DOK6: variants seen among roughly 807,000 people sequenced by gnomAD.
DOK6 encodes docking protein 6.
DOK6 carries 22 observed loss-of-function variants against 44.0 expected under a neutral mutation model. The ratio of observed to expected loss-of-function variants is 0.50; its 90% CI spans 0.36 to 0.71. DOK6 has a LOEUF of 0.71. Ranked by LOEUF, DOK6 falls within the 30% of genes least tolerant of loss-of-function variation. The pLI, the probability that DOK6 is intolerant of heterozygous loss-of-function variation, is 0.00. For synonymous variants in DOK6, 166 were observed against 145.5 expected (o/e 1.14, Z -1.01); for missense variants, 340 against 416.4 (o/e 0.82, Z 1.60).
intron 2 of DOK6, among the ~76,000 whole-genome samples, chr18:69,595,865 A>G (rs774003388): frequency 2.8e-4 from 42 of 152,138 alleles, no homozygotes; most frequent in Non-Finnish European, 5.4e-4. Context: ...TATACTATTC[A>G]TTCTGTTTCT....
At chr18:69,727,840 T>G (rs527329105) in intron 5 of DOK6, among the ~76,000 whole-genome samples, 48 of 152,232 alleles carry the variant, frequency 3.2e-4, no homozygotes, top group Non-Finnish European at 5.9e-4. Context: ...TAATTATAGC[T>G]TGCCATTTCA....
chr18:69,804,417 CAG>C (rs1206679973), intron 7 of DOK6, among the ~76,000 whole-genome samples: 1 of 152,064 alleles, frequency 6.6e-6, no homozygotes, highest in Non-Finnish European at 1.5e-5. Context: ...TATGTGATGA[CAG>C]AGTTTTCATA....
intron 7 of DOK6, among the ~76,000 whole-genome samples, chr18:69,769,830 C>A (rs928233960): frequency 6.6e-6 from 1 of 152,226 alleles, no homozygotes; most frequent in Non-Finnish European, 1.5e-5. Flanking sequence ...CCAGAGATCT[C>A]ACCCCAGTTC....
intron 2 of DOK6, among the ~76,000 whole-genome samples, chr18:69,584,031 C>T (rs1390017323): frequency 6.7e-6 from 1 of 149,144 alleles, no homozygotes; most frequent in South Asian, 2.1e-4. Flanking sequence ...TGGCGTGAAC[C>T]CGGGAGGCGG....
chr18:69,584,920 C>G (rs945823483), intron 2 of DOK6, among the ~76,000 whole-genome samples: 1 of 151,866 alleles, frequency 6.6e-6, no homozygotes, highest in South Asian at 2.1e-4. Context: ...CAGTTTTCCC[C>G]TTTTCATCCT....
intron 2 of DOK6, among the ~76,000 whole-genome samples, chr18:69,588,295 A>G (rs1983550550): frequency 1.3e-5 from 2 of 152,214 alleles, no homozygotes; most frequent in Non-Finnish European, 2.9e-5. Flanking sequence ...ACATTATTAC[A>G]TATTATAGCA....
At chr18:69,664,341 A>G (rs996844316) in intron 3 of DOK6, among the ~76,000 whole-genome samples, 3 of 152,256 alleles carry the variant, frequency 2.0e-5, no homozygotes, top group African/African-American at 7.2e-5. Flanking sequence ...CTCATTTGAT[A>G]CTGGCTTTTA....
chr18:69,632,532 G>A (rs1286540908), intron 3 of DOK6, among the ~76,000 whole-genome samples: 2 of 151,902 alleles, frequency 1.3e-5, no homozygotes, highest in African/African-American at 4.8e-5. Context: ...AAGGAACCTG[G>A]GTCCACCTCC....
At chr18:69,701,545 A>G (rs985708203) in intron 5 of DOK6, among the ~76,000 whole-genome samples, 3 of 152,208 alleles carry the variant, frequency 2.0e-5, no homozygotes, top group African/African-American at 7.2e-5. Flanking sequence ...TAAATATTGT[A>G]AGCAAAAATC....
chr18:69,616,874 C>T (rs1432751961), intron 3 of DOK6, among the ~76,000 whole-genome samples: 1 of 152,108 alleles, frequency 6.6e-6, no homozygotes, highest in African/African-American at 2.4e-5. Context: ...TATTTTTATG[C>T]ATATATAAAC....
intron 7 of DOK6, among the ~76,000 whole-genome samples, chr18:69,778,889 T>C (rs1980164498): frequency 6.6e-6 from 1 of 152,162 alleles, no homozygotes; most frequent in Admixed American, 6.6e-5. Flanking sequence ...TTTTTAGACA[T>C]GGAACTTTAA....
intron 7 of DOK6, among the ~76,000 whole-genome samples, chr18:69,810,985 G>C (rs9954552): frequency 0.09 from 13,671 of 152,020 alleles, 1,086 homozygotes; most frequent in African/African-American, 0.21. Context: ...GTACATCAAA[G>C]ATATATCCAT....
intron 1 of DOK6, among the ~76,000 whole-genome samples, chr18:69,526,853 A>G (rs936471543): frequency 2.6e-5 from 4 of 152,222 alleles, no homozygotes; most frequent in African/African-American, 9.6e-5. Context: ...ATGTATATAC[A>G]TATATCCGTA....
intron 6 of DOK6, among the ~76,000 whole-genome samples, chr18:69,740,251 A>G (rs1462040683): frequency 6.6e-6 from 1 of 152,228 alleles, no homozygotes; most frequent in African/African-American, 2.4e-5. Context: ...AAACTTCTAG[A>G]AAGATTTGGG....
chr18:69,655,907 A>G (rs192918230), intron 3 of DOK6, among the ~76,000 whole-genome samples: 34 of 152,236 alleles, frequency 2.2e-4, no homozygotes, highest in African/African-American at 6.5e-4. Flanking sequence ...CATCCAACAT[A>G]TGTCTGACAG....
intron 5 of DOK6, among the ~76,000 whole-genome samples, chr18:69,720,918 G>A (rs888612541): frequency 5.9e-5 from 9 of 152,162 alleles, no homozygotes; most frequent in South Asian, 2.1e-4. Flanking sequence ...CAACCAGAAC[G>A]GAGGGAATTT....
chr18:69,803,994 G>A (rs1167524827), intron 7 of DOK6, among the ~76,000 whole-genome samples: 1 of 152,102 alleles, frequency 6.6e-6, no homozygotes, highest in Non-Finnish European at 1.5e-5. Flanking sequence ...ATGAGTTTTG[G>A]TTAAATATAA....
At chr18:69,727,769 C>G in intron 5 of DOK6, among the ~76,000 whole-genome samples, 1 of 152,162 alleles carries the variant, frequency 6.6e-6, no homozygotes, top group East Asian at 1.9e-4. Context: ...AGTTAAGAAA[C>G]TGTAAATTCT....
chr18:69,415,644 T>A (rs1164560771), intron 1 of DOK6, among the ~76,000 whole-genome samples: 1 of 152,096 alleles, frequency 6.6e-6, no homozygotes, highest in Non-Finnish European at 1.5e-5. Context: ...TTATGTAACA[T>A]TTTGGCTTAC....
Sources: allele counts gnomAD v4.1 joint callset (sites outside exome capture counted in the v4.1 genomes callset), GRCh38; gene constraint gnomAD v4.1.1; transcripts MANE v1.5; gene names NCBI Gene and HGNC (gene_info 2026-07-23, HGNC 2026-07-21).